TRANK1: variants seen among roughly 807,000 people sequenced by gnomAD.
The protein encoded by TRANK1 is TPR and ankyrin repeat-containing protein 1.
A neutral mutation model predicts 266.0 loss-of-function variants in TRANK1; 198 were observed. The ratio of observed to expected loss-of-function variants is 0.74; its 90% CI spans 0.66 to 0.84. The LOEUF is 0.84. TRANK1 is among the 40% of genes least tolerant of loss of function. TRANK1 has a pLI of 0.00. For synonymous variants in TRANK1, 1,396 were observed against 1,384.1 expected (o/e 1.01, Z -0.19); for missense variants, 3,326 against 3,634.6 (o/e 0.92, Z 2.18).
At chr3:36,893,045 A>G in intron 5 of TRANK1, 61 bp from the exon 6 acceptor site, 1 of 928,128 alleles carries the variant, frequency 1.1e-6, no homozygotes, top group Non-Finnish European at 1.5e-6. Flanking sequence ...TTATTAAAGC[A>G]AAAAAGTTAT....
chr3:36,868,735 A>G (rs1250188898), intron 9 of TRANK1, among the ~76,000 whole-genome samples: 3 of 152,228 alleles, frequency 2.0e-5, no homozygotes, highest in Non-Finnish European at 2.9e-5. Flanking sequence ...TAAGTATATA[A>G]AAAGATTGGT....
At chr3:36,935,445 CTTTTTTT>C (rs11374436) in intron 1 of TRANK1, among the ~76,000 whole-genome samples, 2 of 83,720 alleles carry the variant, frequency 2.4e-5, no homozygotes, top group Non-Finnish European at 4.5e-5. Flanking sequence ...TGCCTGAATT[CTTTTTTT>C]TTTTTTTTTT....
Position 36,833,675 on chromosome 3 carries a change from T to A in TRANK1, c.5908A>T (p.Lys1970Ter). Residue 1970 changes from lysine (K) to a stop codon, truncating the protein, a stop_gained, in exon 22 of 24, where the codon AAG (lysine) becomes TAG (stop). Transcript: ENST00000645898. LOFTEE classifies it high-confidence loss of function. ...GCCTCCAGGAGGCAGCCATGTTGCT[T>A]CATCAGCAGGGCAGCCTCTTCTCTC... Reference protein sequence around the residue: ...GRREEAALLMKQHGCLLEAAR... With the variant: ...GRREEAALLM 1.2e-6 allele frequency: 2 copies of A among 1,613,982 alleles called. No homozygotes were observed. The highest frequency in any genetic ancestry group is 1.7e-6 in the Non-Finnish European group (2 of 1,179,862).
Position 36,833,558 on chromosome 3 carries a change from T to C in TRANK1, c.6025A>G (p.Thr2009Ala), listed in dbSNP as rs1162304593. The change falls in exon 22 of 24, where the codon ACC becomes GCC. Residue 2009 changes from threonine (T) to alanine (A), a missense_variant. Thr to Ala is a moderately conservative substitution (Grantham distance 58). Coordinates refer to ENST00000645898, the MANE Select transcript of TRANK1 (RefSeq NM_001329998.2). The stretch of plus-strand genomic sequence containing the variant: ...AGTGCTTCTCTCAGAATGTCCTTGG[T>C]GTGTTCTATGTCGGAATCCCTGGCC... ...NVARDSDIEH[T>A]KDILREALDI... is the part of the protein sequence containing the mutation. 1 of 1,613,938 alleles carries C rather than the reference T, an allele frequency of 6.2e-7. No individual in the cohort carries two copies. The highest frequency in any genetic ancestry group is 1.1e-5 in the South Asian group (1 of 91,088).
At chr3:36,888,039 A>G (rs995687711) in intron 8 of TRANK1, among the ~76,000 whole-genome samples, 4 of 152,226 alleles carry the variant, frequency 2.6e-5, no homozygotes, top group Non-Finnish European at 5.9e-5. Flanking sequence ...AATGCCCTGT[A>G]CACAAATATT....
chr3:36,930,872 CAT>C (rs774255689), intron 1 of TRANK1, among the ~76,000 whole-genome samples: 3 of 152,136 alleles, frequency 2.0e-5, no homozygotes, highest in Admixed American at 6.5e-5. Flanking sequence ...CACACAGGTG[CAT>C]ATGTTTGTTA....
At chr3:36,896,831 C>T (rs1052650180) in intron 4 of TRANK1, among the ~76,000 whole-genome samples, 4 of 151,870 alleles carry the variant, frequency 2.6e-5, no homozygotes, top group African/African-American at 9.7e-5. Flanking sequence ...CCCTTCTCTA[C>T]TAAAAAAACA....
intron 9 of TRANK1, among the ~76,000 whole-genome samples, chr3:36,871,343 G>A (rs1440313316): frequency 6.6e-6 from 1 of 152,122 alleles, no homozygotes; most frequent in East Asian, 1.9e-4. Flanking sequence ...AGCCAAGATC[G>A]TGCCACTGCA....
chr3:36,851,400 G>C, intron 15 of TRANK1: 1 of 1,085,542 alleles, frequency 9.2e-7, no homozygotes, highest in Non-Finnish European at 1.1e-6. Flanking sequence ...CTTAGAGCTT[G>C]CTCCAACTTG....
At chr3:36,871,525 T>C (rs549461254) in intron 9 of TRANK1, among the ~76,000 whole-genome samples, 1 of 152,332 alleles carries the variant, frequency 6.6e-6, no homozygotes, top group East Asian at 1.9e-4. Flanking sequence ...GAAACCATTC[T>C]GAAACTGAGA....
At chr3:36,924,652 C>T (rs1002857161) in intron 1 of TRANK1, among the ~76,000 whole-genome samples, 11 of 152,154 alleles carry the variant, frequency 7.2e-5, no homozygotes, top group Non-Finnish European at 1.6e-4. Context: ...AAAAACCAGG[C>T]TCAACTGTTG....
At chr3:36,839,843 A>G (rs762472655) in intron 18 of TRANK1, among the ~76,000 whole-genome samples, 8 of 152,228 alleles carry the variant, frequency 5.3e-5, no homozygotes, top group Non-Finnish European at 1.2e-4. Context: ...TAGAGAAAGA[A>G]AAGGGGCATT....
intron 20 of TRANK1, among the ~76,000 whole-genome samples, chr3:36,836,233 G>C (rs2078768945): frequency 6.6e-6 from 1 of 152,216 alleles, no homozygotes; most frequent in South Asian, 2.1e-4. Context: ...CAGCAAGCCT[G>C]CTCCTGGCAA....
Position 36,855,190 on chromosome 3 carries a change from T to C in TRANK1, c.4532A>G (p.Asn1511Ser). 2 of 1,611,880 alleles carry C rather than the reference T, an allele frequency of 1.2e-6. No homozygotes were observed. The highest frequency in any genetic ancestry group is 1.7e-6 in the Non-Finnish European group (2 of 1,178,242). The change falls in exon 13 of 24, where the codon AAT (asparagine) becomes AGT (serine). Residue 1511 changes from asparagine to serine, a missense_variant. Coordinates refer to ENST00000645898, the MANE Select transcript of TRANK1 (RefSeq NM_001329998.2). ...KPKKIHQLYQ[N>S]YRSHSGILNL... ...GGACTTACCTGAGTGGGACCTGTAATTCTGGTACAGCTGGTGGATCTTCTT... is the reference window on the plus strand; with the variant it reads ...GGACTTACCTGAGTGGGACCTGTAACTCTGGTACAGCTGGTGGATCTTCTT...
At position 36,944,983 on chromosome 3, in the gene TRANK1, A is replaced by T. The variant is rs1346527312; in HGVS notation, c.-174T>A. ...CCAGCTGCCTGCGGCTCGGCTACCCAGCCGCGATCAGAGGGGGCGGGGGAC... is the reference window on the plus strand; with the variant it reads ...CCAGCTGCCTGCGGCTCGGCTACCCTGCCGCGATCAGAGGGGGCGGGGGAC... On this transcript the variant is annotated 5_prime_UTR_variant, in exon 1 of 24. Transcript: ENST00000645898. The T allele has an allele frequency of 1.8e-6, 1 of 543,858 alleles. No individual in the cohort carries two copies. Among genetic ancestry groups the T allele is most frequent in the Admixed American group, 4.4e-5 (1 of 22,730 alleles). The allele number at this position is 543,858 out of a possible 1,614,324, so 33.7% of individuals were successfully genotyped here. A position where few individuals can be genotyped will look rare whatever the true frequency, so the allele number is the denominator to read the frequency against.
intron 5 of TRANK1, among the ~76,000 whole-genome samples, chr3:36,895,108 G>T (rs2079769129): frequency 6.6e-6 from 1 of 152,192 alleles, no homozygotes; most frequent in African/African-American, 2.4e-5. Context: ...GCCCAAAATA[G>T]TAAGTGGGGG....
intron 7 of TRANK1, among the ~76,000 whole-genome samples, chr3:36,891,459 C>A (rs2079694705): frequency 6.6e-6 from 1 of 152,292 alleles, no homozygotes; most frequent in African/African-American, 2.4e-5. Flanking sequence ...TCCCACACCC[C>A]CATTCCTGGG....
chr3:36,914,450 C>CTT (rs10644293), intron 1 of TRANK1, among the ~76,000 whole-genome samples: 28,575 of 137,582 alleles, frequency 0.21, 4,075 homozygotes, highest in African/African-American at 0.39. Flanking sequence ...TGGTGTCTTC[C>CTT]TTTTTTTTTT....
intron 7 of TRANK1, among the ~76,000 whole-genome samples, chr3:36,891,199 G>A (rs534499142): frequency 6.6e-6 from 1 of 152,174 alleles, no homozygotes; most frequent in South Asian, 2.1e-4. Flanking sequence ...AATTAGCCAG[G>A]CGTGGTGGCG....
Sources: allele counts gnomAD v4.1 joint callset (sites outside exome capture counted in the v4.1 genomes callset), GRCh38; gene constraint gnomAD v4.1.1; transcripts MANE v1.5; gene names NCBI Gene and HGNC (gene_info 2026-07-23, HGNC 2026-07-21).